MAP2K5: variants seen among roughly 807,000 people sequenced by gnomAD.
MAP2K5 encodes the protein mitogen-activated protein kinase kinase 5, also known as dual specificity mitogen-activated protein kinase kinase 5.
MAP2K5 carries 49 observed loss-of-function variants against 83.1 expected under a neutral mutation model. That is an observed-to-expected ratio of 0.59 (90% CI 0.47 to 0.75). The LOEUF (loss-of-function observed/expected upper bound fraction) is 0.75. Among genes scored for constraint, MAP2K5 ranks in the 30% least tolerant of loss-of-function variants. The probability of loss-of-function intolerance (pLI) is 0.00; values close to 1 mark genes in which losing one functional copy is unlikely to be tolerated. For missense variants in MAP2K5, 457 were observed against 557.5 expected (o/e 0.82, Z 1.82); for synonymous variants, 202 against 191.8 (o/e 1.05, Z -0.44).
At chr15:67,592,098 A>G (rs1469563032) in intron 6 of MAP2K5, among the ~76,000 whole-genome samples, 1 of 142,256 alleles carries the variant, frequency 7.0e-6, no homozygotes, top group East Asian at 2.1e-4. Context: ...AGTCTGGGCA[A>G]CAAGAGTGAA....
intron 20 of MAP2K5, 28 bp from the exon 21 acceptor site, chr15:67,772,679 A>G (rs753228839): frequency 2.0e-6 from 3 of 1,509,460 alleles, no homozygotes; most frequent in Admixed American, 2.1e-5. Flanking sequence ...CACAGATAAC[A>G]TAAGGGGTTT....
In MAP2K5 at chr15:67,677,125, A is replaced by G. The variant is rs746110653; in HGVS notation, c.847+12480A>G. 8.5e-5 allele frequency among the ~76,000 whole-genome samples: 13 copies of G among 152,114 alleles called. No homozygotes were observed. Among genetic ancestry groups the G allele is most frequent in the Non-Finnish European group, 1.8e-4 (12 of 68,006 alleles). ...ATAAAGAACTTAAAACATCTGGGCTATTTTCTTTGTGAACTTCCCAAGATC... is the reference window on the plus strand; with the variant it reads ...ATAAAGAACTTAAAACATCTGGGCTGTTTTCTTTGTGAACTTCCCAAGATC... On this transcript the variant is annotated intron_variant, in intron 13 of 21. Coordinates refer to ENST00000178640, the MANE Select transcript of MAP2K5 (RefSeq NM_145160.3). The surrounding 1 kb of genome is among the most constrained non-coding windows in gnomAD (Gnocchi z 4.2).
chr15:67,731,520 A>G (rs1488696706), intron 17 of MAP2K5, among the ~76,000 whole-genome samples: 1 of 152,184 alleles, frequency 6.6e-6, no homozygotes, highest in African/African-American at 2.4e-5. Flanking sequence ...AAAGAAAAAA[A>G]ACATGAGGAG....
intron 11 of MAP2K5, among the ~76,000 whole-genome samples, chr15:67,647,932 C>T (rs1263494107): frequency 1.3e-5 from 2 of 149,894 alleles, no homozygotes; most frequent in African/African-American, 2.5e-5. Flanking sequence ...CTCAGTTACT[C>T]TGGGGGCTGA....
chr15:67,591,322 G>A (rs534811119), intron 6 of MAP2K5, among the ~76,000 whole-genome samples: 56 of 151,342 alleles, frequency 3.7e-4, no homozygotes, highest in Admixed American at 1.1e-3. Flanking sequence ...TCCAGCCTGG[G>A]TGACAAAGCG....
chr15:67,699,120 C>G (rs936797887), intron 15 of MAP2K5, among the ~76,000 whole-genome samples: 3 of 151,594 alleles, frequency 2.0e-5, no homozygotes, highest in Non-Finnish European at 4.4e-5. Flanking sequence ...TTTAAATATG[C>G]TAGCTAAGTT....
chr15:67,765,906 T>C (rs1456087580), intron 19 of MAP2K5, among the ~76,000 whole-genome samples: 3 of 152,250 alleles, frequency 2.0e-5, no homozygotes, highest in Non-Finnish European at 4.4e-5. Context: ...TCATAGATTG[T>C]GCATAATTAA....
chr15:67,650,213 G>A (rs1283284061), intron 11 of MAP2K5, among the ~76,000 whole-genome samples: 1 of 152,026 alleles, frequency 6.6e-6, no homozygotes, highest in Non-Finnish European at 1.5e-5. Flanking sequence ...AATGTTAATA[G>A]CTTTTTGTGG....
Position 67,563,478 on chromosome 15 carries a change from G to T in MAP2K5, c.252+128G>T. 8.4e-7 allele frequency: 1 copy of T among 1,189,294 alleles called. No homozygotes were observed. Among genetic ancestry groups the T allele is most frequent in the Non-Finnish European group, 1.1e-6 (1 of 874,320 alleles). The allele number at this position is 1,189,294 out of a possible 1,614,324, so 73.7% of individuals were successfully genotyped here. ...TACATTTTTCTATATAATAGGTAAA[G>T]GTTTCAAGGATTTCCGTATGTGAAA... is the stretch of plus-strand genomic sequence containing the variant. On this transcript the variant is annotated intron_variant, in intron 3 of 21. Coordinates refer to ENST00000178640, the MANE Select transcript of MAP2K5 (RefSeq NM_145160.3). This position sits in a 1 kb window ranked among gnomAD's most constrained non-coding sequence, Gnocchi z 4.5.
intron 8 of MAP2K5, among the ~76,000 whole-genome samples, chr15:67,607,724 A>G (rs959987353): frequency 3.3e-5 from 5 of 152,188 alleles, no homozygotes; most frequent in Non-Finnish European, 7.4e-5. Context: ...TAAAAATCTC[A>G]TTTATTTAGC....
intron 8 of MAP2K5, among the ~76,000 whole-genome samples, chr15:67,620,168 C>T (rs2086149115): frequency 1.3e-5 from 2 of 152,096 alleles, no homozygotes; most frequent in Admixed American, 6.5e-5. Context: ...GTCAGGAGTT[C>T]GAGACCAGCT....
chr15:67,569,005 C>CAAAAAAAAAAAAA (rs71142380), intron 3 of MAP2K5, among the ~76,000 whole-genome samples: 14 of 91,202 alleles, frequency 1.5e-4, no homozygotes, highest in African/African-American at 5.1e-4. Flanking sequence ...GACTCCATCT[C>CAAAAAAAAAAAAA]AAAAAAAAAA....
At chr15:67,714,131 C>T (rs2088769358) in intron 16 of MAP2K5, among the ~76,000 whole-genome samples, 1 of 152,040 alleles carries the variant, frequency 6.6e-6, no homozygotes, top group African/African-American at 2.4e-5. Flanking sequence ...CTTGTTGAGC[C>T]TACAATGTAT....
intron 8 of MAP2K5, chr15:67,628,511 A>G: frequency 1.4e-6 from 1 of 726,642 alleles, no homozygotes; most frequent in Non-Finnish European, 2.4e-6. Context: ...TAAAAAAAAG[A>G]CACTGAGGAA....
intron 15 of MAP2K5, among the ~76,000 whole-genome samples, chr15:67,699,952 A>G (rs2141211626): frequency 6.9e-6 from 1 of 144,486 alleles, no homozygotes; most frequent in East Asian, 2.0e-4. Context: ...GTCTGCCTAC[A>G]CAGGGATCTT....
intron 21 of MAP2K5, among the ~76,000 whole-genome samples, chr15:67,803,200 C>G (rs2090737274): frequency 6.6e-6 from 1 of 152,224 alleles, no homozygotes; most frequent in Non-Finnish European, 1.5e-5. Flanking sequence ...TAAAGCATCA[C>G]GGATACAATG....
Position 67,772,723 on chromosome 15 carries a change from A to G in MAP2K5, c.1213A>G (p.Lys405Glu). Reference protein sequence around the residue: ...FITQCMRKQPKERPAPEELMG... With the variant: ...FITQCMRKQPEERPAPEELMG... ...CCACTATAGTATGCGAAAACAGCCA[A>G]AAGAAAGGCCAGCACCTGAAGAATT... Residue 405 changes from lysine (K) to glutamate (E), a missense_variant, in exon 21 of 22, where the codon AAA becomes GAA. Around this residue, in one of 3 missense-constraint regions of MAP2K5, gnomAD observed 168 missense variants for 263.0 expected, o/e 0.64. Transcript: ENST00000178640. The G allele has an allele frequency of 6.2e-7, 1 of 1,604,834 alleles. No homozygotes were observed. Among genetic ancestry groups the G allele is most frequent in the Non-Finnish European group, 8.5e-7 (1 of 1,175,630 alleles).
At chr15:67,707,212 G>A (rs976320110) in intron 16 of MAP2K5, among the ~76,000 whole-genome samples, 1 of 152,204 alleles carries the variant, frequency 6.6e-6, no homozygotes, top group Admixed American at 6.5e-5. Flanking sequence ...ACCATGACCA[G>A]CTGGTTCTTG....
At chr15:67,633,883 T>A (rs571703438) in intron 9 of MAP2K5, among the ~76,000 whole-genome samples, 1 of 152,382 alleles carries the variant, frequency 6.6e-6, no homozygotes, top group East Asian at 1.9e-4. Context: ...GCAGAATTTT[T>A]AATTCTTAGA....
Sources: allele counts gnomAD v4.1 joint callset (sites outside exome capture counted in the v4.1 genomes callset), GRCh38; gene constraint gnomAD v4.1.1; regional missense constraint gnomAD v4.1.1; non-coding constraint Gnocchi (gnomAD v3.1); transcripts MANE v1.5; gene names NCBI Gene and HGNC (gene_info 2026-07-23, HGNC 2026-07-21).